The following CNTNAP2 variants were observed in gnomAD, a reference collection of about 807,000 sequenced individuals.
CNTNAP2 encodes the protein contactin-associated protein-like 2.
A neutral mutation model predicts 155.2 loss-of-function variants in CNTNAP2; 98 were observed. The ratio of observed to expected loss-of-function variants is 0.63; its 90% confidence interval spans 0.54 to 0.75. The LOEUF (loss-of-function observed/expected upper bound fraction) is 0.75. Among genes scored for constraint, CNTNAP2 ranks in the 30% least tolerant of loss-of-function variants. CNTNAP2 has a pLI of 0.00. For synonymous variants in CNTNAP2, 651 were observed against 631.2 expected, an observed-to-expected ratio of 1.03 and a Z score of -0.47; for missense variants, 1,727 against 1,688.1, an observed-to-expected ratio of 1.02 and a Z score of -0.40.
chr7:146,330,797 A>G (rs1432371465), intron 1 of CNTNAP2, among the ~76,000 whole-genome samples: 2 of 152,206 alleles, frequency 1.3e-5, no homozygotes, highest in African/African-American at 2.4e-5. Context: ...GGCAGCTACA[A>G]TTTTTAAATT....
intron 1 of CNTNAP2, among the ~76,000 whole-genome samples, chr7:146,550,600 T>C (rs1431312805): frequency 3.3e-5 from 5 of 151,870 alleles, no homozygotes; most frequent in African/African-American, 1.2e-4. Context: ...CAACAATTAT[T>C]TCCCCCTGTG....
intron 8 of CNTNAP2, among the ~76,000 whole-genome samples, chr7:147,173,958 T>C (rs964950518): frequency 1.3e-5 from 2 of 152,120 alleles, no homozygotes; most frequent in African/African-American, 4.8e-5. Flanking sequence ...CAGAATCATG[T>C]AAAACACCCT....
At chr7:147,718,078 C>T (rs1796508313) in intron 13 of CNTNAP2, among the ~76,000 whole-genome samples, 1 of 151,974 alleles carries the variant, frequency 6.6e-6, no homozygotes, top group Non-Finnish European at 1.5e-5. Flanking sequence ...AATCATATTG[C>T]TTGATATAGT....
At chr7:147,497,258 A>T (rs1013985959) in intron 11 of CNTNAP2, 4 of 152,208 alleles carry the variant, frequency 2.6e-5, no homozygotes, top group African/African-American at 9.6e-5. Flanking sequence ...TTCATCACCC[A>T]GTTTCATCCC....
chr7:147,200,227 C>T (rs181335361), intron 8 of CNTNAP2, among the ~76,000 whole-genome samples: 14 of 152,224 alleles, frequency 9.2e-5, no homozygotes, highest in East Asian at 1.9e-4. Flanking sequence ...CTTGAAACTC[C>T]GGTTTAGACA....
intron 12 of CNTNAP2, 139 bp from the exon 13 acceptor site, chr7:147,638,967 T>C (rs1795230147): frequency 1.2e-6 from 1 of 864,606 alleles, no homozygotes; most frequent in South Asian, 1.3e-5. Flanking sequence ...GCAGGGGGTT[T>C]TAAGGATTGC....
intron 1 of CNTNAP2, among the ~76,000 whole-genome samples, chr7:146,169,249 G>T (rs911031015): frequency 1.3e-5 from 2 of 152,070 alleles, no homozygotes; most frequent in Non-Finnish European, 2.9e-5. Context: ...TCTGCTATTA[G>T]AATGTAAGCC....
At chr7:147,354,060 A>G (rs1689554093) in intron 9 of CNTNAP2, among the ~76,000 whole-genome samples, 1 of 152,044 alleles carries the variant, frequency 6.6e-6, no homozygotes, top group South Asian at 2.1e-4. Flanking sequence ...GATAGATTGC[A>G]AAAATTTTCT....
At chr7:147,749,994 C>G (rs900124676) in intron 13 of CNTNAP2, among the ~76,000 whole-genome samples, 2 of 152,160 alleles carry the variant, frequency 1.3e-5, no homozygotes, top group African/African-American at 4.8e-5. Context: ...AAAGTTATTT[C>G]ATTACCCATC....
chr7:148,393,474 C>T (rs1799398348), intron 22 of CNTNAP2, among the ~76,000 whole-genome samples: 1 of 152,188 alleles, frequency 6.6e-6, no homozygotes, highest in Non-Finnish European at 1.5e-5. Context: ...TATCTCAAAT[C>T]AACTATGGTA....
chr7:146,958,563 G>A (rs547709500), intron 3 of CNTNAP2, among the ~76,000 whole-genome samples: 88 of 151,104 alleles, frequency 5.8e-4, no homozygotes, highest in Middle Eastern at 3.4e-3. Context: ...ACAGGCACCC[G>A]CCACAACGCC....
chr7:147,663,300 G>A (rs747463035), intron 13 of CNTNAP2, among the ~76,000 whole-genome samples: 7 of 152,232 alleles, frequency 4.6e-5, no homozygotes, highest in Non-Finnish European at 1.0e-4. Flanking sequence ...CCAGCTGAAT[G>A]TTTCTGTTTT....
intron 1 of CNTNAP2, among the ~76,000 whole-genome samples, chr7:146,179,738 G>A (rs1798523603): frequency 6.6e-6 from 1 of 152,014 alleles, no homozygotes; most frequent in African/African-American, 2.4e-5. Context: ...AAAATTGGGG[G>A]ATAAATGCTT....
chr7:147,005,976 G>C lies in CNTNAP2; in HGVS notation c.403-37931G>C, dbSNP rs964414124. Among the ~76,000 whole-genome samples, 3 of 151,802 alleles carry C rather than the reference G, an allele frequency of 2.0e-5. No homozygotes were observed. The South Asian group carries it at 6.2e-4, about 31-fold the overall frequency. On this transcript the variant is annotated intron_variant, in intron 3 of 23. Coordinates refer to ENST00000361727, the MANE Select transcript of CNTNAP2 (RefSeq NM_014141.6). ...TAGTCTTTTTATTTTACTTATTTTA[G>C]ATTCTTTTTCTTCTACTCATCATAG...
At chr7:146,646,644 A>G (rs1799817215) in intron 1 of CNTNAP2, among the ~76,000 whole-genome samples, 3 of 152,168 alleles carry the variant, frequency 2.0e-5, no homozygotes, top group South Asian at 4.1e-4. Flanking sequence ...TTTCTGGCAT[A>G]AATAATGTTT....
At chr7:148,170,823 T>C (rs1261107328) in intron 17 of CNTNAP2, among the ~76,000 whole-genome samples, 1 of 152,182 alleles carries the variant, frequency 6.6e-6, no homozygotes, top group East Asian at 1.9e-4. Context: ...AGTTTATGAC[T>C]TTTCTTAAGA....
At chr7:146,334,630 G>A (rs1002007213) in intron 1 of CNTNAP2, among the ~76,000 whole-genome samples, 1 of 151,918 alleles carries the variant, frequency 6.6e-6, no homozygotes, top group Non-Finnish European at 1.5e-5. Flanking sequence ...ATCAAAGATG[G>A]AATTCTTTCT....
intron 1 of CNTNAP2, among the ~76,000 whole-genome samples, chr7:146,588,034 A>C (rs1584994888): frequency 7.8e-6 from 1 of 128,694 alleles, no homozygotes; most frequent in South Asian, 2.8e-4. Context: ...GTGTGTGTGT[A>C]AATGTCAATG....
chr7:148,145,732 C>T (rs1214898466), intron 16 of CNTNAP2, among the ~76,000 whole-genome samples: 1 of 152,184 alleles, frequency 6.6e-6, no homozygotes, highest in African/African-American at 2.4e-5. Context: ...ATCACACAGC[C>T]TGTGGGTCAT....
Sources: allele counts gnomAD v4.1 joint callset (sites outside exome capture counted in the v4.1 genomes callset), GRCh38; gene constraint gnomAD v4.1.1; transcripts MANE v1.5; gene names NCBI Gene and HGNC (gene_info 2026-07-23, HGNC 2026-07-21).